The following TRHDE variants were observed in gnomAD, a reference collection of about 807,000 sequenced individuals.
TRHDE encodes the protein thyrotropin releasing hormone degrading enzyme.
Under a neutral mutation model 125.7 loss-of-function variants are expected in TRHDE, and 72 were observed. That is an observed-to-expected ratio of 0.57 (90% CI 0.47 to 0.70). TRHDE has a LOEUF of 0.70. TRHDE is among the 30% of genes least tolerant of loss of function. The pLI is 0.00. For synonymous variants in TRHDE, 509 were observed against 509.1 expected (o/e 1.00, Z 0.00); for missense variants, 1,110 against 1,327.1 (o/e 0.84, Z 2.54).
At chr12:72,317,746 C>A (rs1868873701) in intron 2 of TRHDE, among the ~76,000 whole-genome samples, 1 of 152,016 alleles carries the variant, frequency 6.6e-6, no homozygotes, top group African/African-American at 2.4e-5. Context: ...TCTCAGCCTG[C>A]AGAGTAAGAG....
At chr12:72,091,829 T>C (rs1874799253) in intron 1 of TRHDE, among the ~76,000 whole-genome samples, 1 of 152,196 alleles carries the variant, frequency 6.6e-6, no homozygotes. Context: ...TATGAACCTA[T>C]GATCAATTAA....
intron 2 of TRHDE, among the ~76,000 whole-genome samples, chr12:72,289,718 C>T (rs189319881): frequency 6.6e-6 from 1 of 152,134 alleles, no homozygotes; most frequent in East Asian, 1.9e-4. Context: ...GTTCCTGCTC[C>T]CAGGGAGCTT....
intron 15 of TRHDE, among the ~76,000 whole-genome samples, chr12:72,641,259 T>G (rs1874048388): frequency 1.3e-5 from 2 of 152,238 alleles, no homozygotes; most frequent in African/African-American, 4.8e-5. Flanking sequence ...TCTCTACATA[T>G]TATTCAACAG....
At chr12:72,646,956 A>G (rs1874306566) in intron 15 of TRHDE, among the ~76,000 whole-genome samples, 1 of 152,010 alleles carries the variant, frequency 6.6e-6, no homozygotes, top group Non-Finnish European at 1.5e-5. Flanking sequence ...GGCTTACAAC[A>G]CTATAAACCA....
chr12:72,273,459 G>A lies in TRHDE; in HGVS notation c.816G>A (p.Ala272=), dbSNP rs139735700. 23 of 1,613,900 alleles carry A rather than the reference G, an allele frequency of 1.4e-5. No homozygotes were observed. In the African/African-American group the frequency reaches 2.1e-4, roughly 15 times the overall value. ...TGGTGCTGAATAGGACACTGGACGC[G>A]CAGAGGAATTACAATCTGAAGATTA... ...LVVVLNRTLD[A]QRNYNLKIIY... The change falls in exon 1 of 19, where the codon GCG becomes GCA. Residue 272 remains alanine (A), a synonymous_variant. Transcript: ENST00000261180. The surrounding 1 kb of genome is among the most constrained non-coding windows in gnomAD (Gnocchi z 5.3).
chr12:72,353,656 GT>G (rs1194944962), intron 2 of TRHDE, among the ~76,000 whole-genome samples: 2 of 151,360 alleles, frequency 1.3e-5, no homozygotes, highest in African/African-American at 4.8e-5. Flanking sequence ...ATGGAAATCT[GT>G]TTTAGAACCA....
At chr12:72,339,468 G>T (rs546490692) in intron 2 of TRHDE, among the ~76,000 whole-genome samples, 1 of 152,052 alleles carries the variant, frequency 6.6e-6, no homozygotes, top group South Asian at 2.1e-4. Flanking sequence ...GACCGTTTAC[G>T]TTTTTTGGGG....
chr12:72,463,453 G>A (rs971704955), intron 3 of TRHDE, among the ~76,000 whole-genome samples: 3 of 152,190 alleles, frequency 2.0e-5, no homozygotes, highest in Non-Finnish European at 4.4e-5. Context: ...ATATTGCCAG[G>A]AAAAGTCAGT....
intron 6 of TRHDE, among the ~76,000 whole-genome samples, chr12:72,531,424 G>A (rs1258330077): frequency 6.6e-6 from 1 of 151,820 alleles, no homozygotes; most frequent in Non-Finnish European, 1.5e-5. Flanking sequence ...GCTTGTCTGT[G>A]AATTTATGAT....
At chr12:72,097,422 G>C (rs965809419) in intron 1 of TRHDE, among the ~76,000 whole-genome samples, 7 of 76,928 alleles carry the variant, frequency 9.1e-5, no homozygotes, top group African/African-American at 2.6e-4. Flanking sequence ...TTACCTTGCA[G>C]TAGCATTTTC....
chr12:72,641,188 T>C (rs1426614049), intron 15 of TRHDE, among the ~76,000 whole-genome samples: 2 of 152,212 alleles, frequency 1.3e-5, no homozygotes, highest in Non-Finnish European at 2.9e-5. Context: ...TCAAAATTTG[T>C]ATTTTAAATA....
Position 72,563,022 on chromosome 12 carries a change from T to C in TRHDE, c.2024T>C (p.Leu675Pro). 1 of 1,598,102 alleles carries C rather than the reference T, an allele frequency of 6.3e-7. No individual in the cohort carries two copies. ...IYDISAKTKA[L>P]KLQNNSYLWQ... ...GATATCAGTGCTAAAACTAAAGCAC[T>C]TAAACTTCAGAATAACAGGTATGAC... The change falls in exon 9 of 19, where the codon CTT (leucine) becomes CCT (proline). Residue 675 changes from leucine to proline, a missense_variant. Leu to Pro is a moderately conservative substitution (Grantham distance 98). Transcript: ENST00000261180.
chr12:72,274,335 CT>C (rs1216262495), intron 1 of TRHDE, among the ~76,000 whole-genome samples: 1 of 152,132 alleles, frequency 6.6e-6, no homozygotes, highest in African/African-American at 2.4e-5. Context: ...TCTCAAATGC[CT>C]TGTTAGTGTC....
chr12:72,329,643 T>C (rs975669417), intron 2 of TRHDE, among the ~76,000 whole-genome samples: 4 of 152,230 alleles, frequency 2.6e-5, no homozygotes, highest in African/African-American at 9.6e-5. Context: ...CATTGATAAA[T>C]GGTAGAATCA....
chr12:72,467,894 A>T (rs1876460604), intron 3 of TRHDE, among the ~76,000 whole-genome samples: 1 of 152,204 alleles, frequency 6.6e-6, no homozygotes, highest in Non-Finnish European at 1.5e-5. Flanking sequence ...AGAAAAATCA[A>T]CCTTATTATA....
In TRHDE at chr12:72,396,692, C is replaced by T. The variant is rs1399117140; in HGVS notation, c.1315+18571C>T. 3.3e-5 allele frequency among the ~76,000 whole-genome samples: 5 copies of T among 152,024 alleles called. No homozygotes were observed. The South Asian group carries it at 6.2e-4, about 19-fold the overall frequency. On this transcript the variant is annotated intron_variant, in intron 3 of 18. Coordinates refer to ENST00000261180, the MANE Select transcript of TRHDE (RefSeq NM_013381.3). ...CTGGGAGGCAGAGGTTGCAGTGAGC[C>T]GAGATTGCGCTGCTACACTCTAGCC...
chr12:72,397,933 C>T (rs1872868659), intron 3 of TRHDE, among the ~76,000 whole-genome samples: 1 of 151,394 alleles, frequency 6.6e-6, no homozygotes, highest in Non-Finnish European at 1.5e-5. Context: ...GCTGCACCCA[C>T]TAACTCGTCA....
chr12:72,207,824 C>T (rs1014409624), intron 2 of TRHDE, among the ~76,000 whole-genome samples: 1 of 152,154 alleles, frequency 6.6e-6, no homozygotes, highest in African/African-American at 2.4e-5. Context: ...AACTGTGGGA[C>T]ATCAATTTTT....
chr12:72,597,937 T>G (rs1872048414), intron 12 of TRHDE, among the ~76,000 whole-genome samples: 1 of 151,394 alleles, frequency 6.6e-6, no homozygotes, highest in Admixed American at 6.6e-5. Context: ...GGAAAACTGT[T>G]GCAATCCTTT....
Sources: allele counts gnomAD v4.1 joint callset (sites outside exome capture counted in the v4.1 genomes callset), GRCh38; gene constraint gnomAD v4.1.1; non-coding constraint Gnocchi (gnomAD v3.1); transcripts MANE v1.5; gene names NCBI Gene and HGNC (gene_info 2026-07-23, HGNC 2026-07-21).